ADCK1: variants seen among roughly 807,000 people sequenced by gnomAD.
ADCK1 encodes the protein aarF domain containing kinase 1.
ADCK1 carries 41 observed loss-of-function variants against 52.3 expected under a neutral mutation model. The ratio of observed to expected loss-of-function variants is 0.78; its 90% confidence interval spans 0.61 to 1.02. ADCK1 has a LOEUF of 1.02. Ranked by LOEUF, ADCK1 falls within the 50% of genes least tolerant of loss-of-function variation. The probability of loss-of-function intolerance (pLI) is 0.00; values close to 1 mark genes in which losing one functional copy is unlikely to be tolerated. For missense variants in ADCK1, 658 were observed against 679.5 expected (o/e 0.97, Z 0.35); for synonymous variants, 250 against 274.6 (o/e 0.91, Z 0.89).
At chr14:77,878,583 A>C (rs535917859) in intron 4 of ADCK1, among the ~76,000 whole-genome samples, 157 of 152,288 alleles carry the variant, frequency 1.0e-3, no homozygotes, top group Middle Eastern at 6.8e-3. Flanking sequence ...GGGCATAAGC[A>C]CTTGGCCTCT....
At chr14:77,825,823 C>T (rs1055468174) in intron 3 of ADCK1, among the ~76,000 whole-genome samples, 2 of 152,022 alleles carry the variant, frequency 1.3e-5, no homozygotes, top group Admixed American at 6.6e-5. Flanking sequence ...TCTCAAAGTC[C>T]CTGCTTCTGA....
intron 2 of ADCK1, among the ~76,000 whole-genome samples, chr14:77,819,435 A>G (rs1037980364): frequency 1.3e-5 from 2 of 152,138 alleles, no homozygotes; most frequent in African/African-American, 2.4e-5. Flanking sequence ...TTAACAACAC[A>G]CCAAGAGGGG....
intron 6 of ADCK1, chr14:77,900,596 C>T (rs1315727899): frequency 2.2e-6 from 1 of 455,722 alleles, no homozygotes; most frequent in African/African-American, 2.0e-5. Context: ...CAAGGAACAA[C>T]AACAACAACA....
At chr14:77,881,768 C>T (rs2083030288) in intron 4 of ADCK1, among the ~76,000 whole-genome samples, 1 of 152,150 alleles carries the variant, frequency 6.6e-6, no homozygotes, top group Non-Finnish European at 1.5e-5. Flanking sequence ...GCTGGGATTA[C>T]GGGTATCAGC....
rs766265393 is a variant in ADCK1, at chr14:77,859,260, G to A, written c.404G>A (p.Arg135Gln). 12 of 1,613,562 alleles carry A rather than the reference G, an allele frequency of 7.4e-6. No individual in the cohort carries two copies. The highest frequency in any genetic ancestry group is 5.3e-5 in the African/African-American group (4 of 74,910). Residue 135 changes from arginine (R) to glutamine (Q), a missense_variant, in exon 4 of 11, where the codon CGA (arginine) becomes CAA (glutamine). Coordinates refer to ENST00000238561, the MANE Select transcript of ADCK1 (RefSeq NM_020421.4). ...ATGCAAGAGATCCGCCAGGTCATCCGAGAAGATCTGGGCAAGGAGGTACCC... is the reference window on the plus strand; with the variant it reads ...ATGCAAGAGATCCGCCAGGTCATCCAAGAAGATCTGGGCAAGGAGGTACCC... ...SSMQEIRQVI[R>Q]EDLGKEIHDL...
At chr14:77,884,192 T>C (rs897508020) in intron 4 of ADCK1, among the ~76,000 whole-genome samples, 3 of 152,220 alleles carry the variant, frequency 2.0e-5, no homozygotes, top group African/African-American at 7.2e-5. Flanking sequence ...TAAGGACTGA[T>C]GTCAGATGAC....
intron 4 of ADCK1, among the ~76,000 whole-genome samples, chr14:77,882,959 C>T (rs957704979): frequency 2.1e-5 from 2 of 96,838 alleles, no homozygotes; most frequent in African/African-American, 4.7e-5. Flanking sequence ...TTACACCACC[C>T]CCCCCCCCGT....
At chr14:77,929,966 A>G (rs2084288787) in intron 9 of ADCK1, among the ~76,000 whole-genome samples, 2 of 152,276 alleles carry the variant, frequency 1.3e-5, no homozygotes, top group East Asian at 3.9e-4. Context: ...TTCTTTTAAT[A>G]AAGGAGATTG....
rs759009821 is a variant in ADCK1 at position 77,933,245 on chromosome 14, T to C, written c.1426T>C (p.Phe476Leu). ...GCACAAGAAGAAGAATACCTGTTCATTCTTCAGAAGGACCCAGATCTCTTT... is the reference window on the plus strand; with the variant it reads ...GCACAAGAAGAAGAATACCTGTTCACTCTTCAGAAGGACCCAGATCTCTTT... ...AEHKKKNTCS[F>L]FRRTQISFSE... The change falls in exon 11 of 11, where the codon TTC (phenylalanine) becomes CTC (leucine). Residue 476 changes from phenylalanine to leucine, a missense_variant. Transcript: ENST00000238561. 2.5e-6 allele frequency: 4 copies of C among 1,614,014 alleles called. No homozygotes were observed. The highest frequency in any genetic ancestry group is 3.4e-6 in the Non-Finnish European group (4 of 1,179,992).
At chr14:77,802,714 GC>G (rs1471592919) in intron 1 of ADCK1, among the ~76,000 whole-genome samples, 1 of 152,198 alleles carries the variant, frequency 6.6e-6, no homozygotes, top group Non-Finnish European at 1.5e-5. Context: ...ACTTTGGGAA[GC>G]CAAGGCGGGC....
chr14:77,829,448 A>G (rs1452692064), intron 3 of ADCK1, among the ~76,000 whole-genome samples: 2 of 151,064 alleles, frequency 1.3e-5, no homozygotes, highest in Non-Finnish European at 3.0e-5. Flanking sequence ...GTGCACCACC[A>G]TGCAGGGCTA....
rs190148327 is a variant in ADCK1, at chr14:77,832,562, G to C, written c.219+10044G>C. 6.6e-4 allele frequency among the ~76,000 whole-genome samples: 100 copies of C among 152,322 alleles called. 1 individual carries two copies. The highest frequency in any genetic ancestry group is 8.8e-5 in the Non-Finnish European group (6 of 68,040). On this transcript the variant is annotated intron_variant, in intron 3 of 10. Coordinates refer to ENST00000238561, the MANE Select transcript of ADCK1 (RefSeq NM_020421.4). ...CTGAGGCTCTGCTGCTGCCTGGGAT[G>C]GATTTGGGAAACACCGGAGGAGGAA...
chr14:77,858,688 T>A (rs2082476563), intron 3 of ADCK1, among the ~76,000 whole-genome samples: 1 of 152,018 alleles, frequency 6.6e-6, no homozygotes, highest in Non-Finnish European at 1.5e-5. Flanking sequence ...AAAGCATAAT[T>A]GGTATGTCTG....
In ADCK1 at chr14:77,822,214, A is replaced by G. The variant is rs541582627; in HGVS notation, c.136-221A>G. On this transcript the variant is annotated intron_variant, in intron 2 of 10. Transcript: ENST00000238561. ...TTGAATGTTTCAGGTAAGAGGGGCAATTTTGGCGTGGGCCCCTGCAGAGGT... is the reference window on the plus strand; with the variant it reads ...TTGAATGTTTCAGGTAAGAGGGGCAGTTTTGGCGTGGGCCCCTGCAGAGGT... Among the ~76,000 whole-genome samples the G allele has an allele frequency of 3.9e-5, 6 of 152,294 alleles. No homozygotes were observed. In the East Asian group the frequency reaches 9.7e-4, roughly 25 times the overall value.
In ADCK1 at chr14:77,931,319, C is replaced by T. The variant is rs115692155; in HGVS notation, c.1207-199C>T. On this transcript the variant is annotated intron_variant, in intron 9 of 10. Transcript: ENST00000238561. The stretch of plus-strand genomic sequence containing the variant: ...GAAGTTTGGCTGAGATATCCCCTTC[C>T]GGGTTTGTCAGGCTATACAGTGCCT... Among the ~76,000 whole-genome samples, 496 of 152,292 alleles carry T rather than the reference C, an allele frequency of 3.3e-3. 1 individual carries two copies. Among genetic ancestry groups the T allele is most frequent in the African/African-American group, 0.011 (470 of 41,552 alleles).
chr14:77,847,836 T>C (rs562664087), intron 3 of ADCK1, among the ~76,000 whole-genome samples: 8 of 152,260 alleles, frequency 5.3e-5, no homozygotes, highest in African/African-American at 1.9e-4. Context: ...CAGATCCCCC[T>C]GTGTGTTCAT....
chr14:77,890,174 C>T (rs1027957905), intron 5 of ADCK1, among the ~76,000 whole-genome samples: 7 of 152,188 alleles, frequency 4.6e-5, no homozygotes, highest in African/African-American at 9.7e-5. Flanking sequence ...GCAGTTTGGC[C>T]GGGGCTTGGT....
Position 77,851,738 on chromosome 14 carries a change from G to A in ADCK1, c.220-7338G>A, listed in dbSNP as rs1273217549. ...CAAAGAGTATAAGAATCTTAAAATC[G>A]TATACTTTCATTGCTTCTGAAGTTT... is the stretch of plus-strand genomic sequence containing the variant. On this transcript the variant is annotated intron_variant, in intron 3 of 10. Transcript: ENST00000238561. Among the ~76,000 whole-genome samples, 4 of 151,940 alleles carry A rather than the reference G, an allele frequency of 2.6e-5. 1 individual carries two copies. Among genetic ancestry groups the A allele is most frequent in the Admixed American group, 6.6e-5 (1 of 15,236 alleles).
intron 4 of ADCK1, among the ~76,000 whole-genome samples, chr14:77,870,028 T>C (rs2082742319): frequency 6.6e-6 from 1 of 152,206 alleles, no homozygotes. Context: ...CCAACACAGA[T>C]GGGTAAAGGC....
Sources: allele counts gnomAD v4.1 joint callset (sites outside exome capture counted in the v4.1 genomes callset), GRCh38; gene constraint gnomAD v4.1.1; transcripts MANE v1.5; gene names NCBI Gene and HGNC (gene_info 2026-07-23, HGNC 2026-07-21).